Variants in CABIN1 observed in about 807,000 individuals in gnomAD.
The protein encoded by CABIN1 is calcineurin-binding protein cabin-1.
In CABIN1, 133 loss-of-function variants were observed where a neutral mutation model predicts 227.7. That is an observed-to-expected ratio of 0.58 (90% CI 0.51 to 0.67). The LOEUF (loss-of-function observed/expected upper bound fraction) is 0.67. Among genes scored for constraint, CABIN1 ranks in the 30% least tolerant of loss-of-function variants. The pLI is 0.00. For missense variants in CABIN1, 2,408 were observed against 2,852.5 expected, an observed-to-expected ratio of 0.84 and a Z score of 3.55; for synonymous variants, 1,086 against 1,155.1, an observed-to-expected ratio of 0.94 and a Z score of 1.21.
intron 33 of CABIN1, among the ~76,000 whole-genome samples, chr22:24,170,788 C>T (rs1274249514): frequency 7.1e-6 from 1 of 141,816 alleles, no homozygotes; most frequent in African/African-American, 2.7e-5. Context: ...AGGTACCTAC[C>T]TGCAGGCGTG....
At chr22:24,156,096 GGGGGCCGGGACTGGGGCCGGGACT>G (rs771011930) in intron 29 of CABIN1, 384 of 414,460 alleles carry the variant, frequency 9.3e-4, no homozygotes, top group Non-Finnish European at 1.4e-3. Flanking sequence ...TGGCGGGGGC[GGGGGCCGGGACTGGGGCCGGGACT>G]GGGGCCGGGG....
In CABIN1 at chr22:24,049,232, C is replaced by A; in HGVS notation, c.656+12C>A. 1 of 1,612,582 alleles carries A rather than the reference C, an allele frequency of 6.2e-7. No individual in the cohort carries two copies. Among genetic ancestry groups the A allele is most frequent in the South Asian group, 1.1e-5 (1 of 90,922 alleles). On this transcript the variant is annotated intron_variant, in intron 7 of 36. Coordinates refer to ENST00000263119, the MANE Select transcript of CABIN1 (RefSeq NM_012295.4). Reference sequence around the variant, plus strand: ...ATGTTCCTCAAATGGTAAGTCCTGCCTCTTCCCATGCCATGTGTGCACGCT... The same window carrying A: ...ATGTTCCTCAAATGGTAAGTCCTGCATCTTCCCATGCCATGTGTGCACGCT...
At chr22:24,130,847 A>G (rs1443681745) in intron 28 of CABIN1, among the ~76,000 whole-genome samples, 1 of 152,220 alleles carries the variant, frequency 6.6e-6, no homozygotes. Flanking sequence ...ACTCTCCACC[A>G]GTACACAGTA....
chr22:24,174,278 G>A (rs1308627686), intron 34 of CABIN1, among the ~76,000 whole-genome samples: 1 of 151,528 alleles, frequency 6.6e-6, no homozygotes, highest in African/African-American at 2.4e-5. Context: ...ACAAGCATGG[G>A]CCACTACGCC....
intron 8 of CABIN1, among the ~76,000 whole-genome samples, chr22:24,053,005 C>T (rs765116189): frequency 1.3e-5 from 2 of 151,772 alleles, no homozygotes; most frequent in African/African-American, 2.4e-5. Flanking sequence ...GAAATTCCTT[C>T]TAGCCCTGGG....
At chr22:24,153,920 A>T (rs559091801) in intron 29 of CABIN1, among the ~76,000 whole-genome samples, 24 of 152,324 alleles carry the variant, frequency 1.6e-4, no homozygotes, top group African/African-American at 5.5e-4. Flanking sequence ...CAAGCTGCCC[A>T]GCCCATTCTG....
At chr22:24,091,544 C>A (rs1269801472) in intron 23 of CABIN1, 39 bp from the exon 24 acceptor site, 1 of 1,613,760 alleles carries the variant, frequency 6.2e-7, no homozygotes. Flanking sequence ...TGGGCAGGTT[C>A]AGGCGTAAGG....
chr22:24,122,314 G>A (rs1029135032), intron 28 of CABIN1, among the ~76,000 whole-genome samples: 1 of 152,054 alleles, frequency 6.6e-6, no homozygotes, highest in Non-Finnish European at 1.5e-5. Context: ...AAAATGCTTG[G>A]GACCAGAAGA....
At chr22:24,018,468 C>T (rs1289395146) in intron 1 of CABIN1, among the ~76,000 whole-genome samples, 1 of 152,114 alleles carries the variant, frequency 6.6e-6, no homozygotes, top group Non-Finnish European at 1.5e-5. Flanking sequence ...ATTTAGATTT[C>T]TAATTCATTT....
intron 26 of CABIN1, among the ~76,000 whole-genome samples, chr22:24,104,260 C>T (rs1308551312): frequency 6.6e-6 from 1 of 152,202 alleles, no homozygotes; most frequent in Non-Finnish European, 1.5e-5. Flanking sequence ...GCCAGCCTCA[C>T]ACCTTACAGA....
At chr22:24,100,518 G>A (rs1040463344) in intron 26 of CABIN1, among the ~76,000 whole-genome samples, 16 of 152,252 alleles carry the variant, frequency 1.1e-4, no homozygotes, top group African/African-American at 3.9e-4. Flanking sequence ...CCTGGGAGGA[G>A]AACATGTAGT....
chr22:24,013,904 G>T (rs889332305), intron 1 of CABIN1, among the ~76,000 whole-genome samples: 8 of 152,152 alleles, frequency 5.3e-5, no homozygotes, highest in African/African-American at 2.4e-5. Flanking sequence ...ATTATGCATT[G>T]TTGGCCAGAA....
chr22:24,145,913 A>G (rs1269223172), intron 29 of CABIN1, among the ~76,000 whole-genome samples: 2 of 152,192 alleles, frequency 1.3e-5, no homozygotes, highest in African/African-American at 4.8e-5. Flanking sequence ...CCATGATAAC[A>G]AGTCACCAGT....
chr22:24,057,903 T>C (rs184317297), intron 10 of CABIN1, among the ~76,000 whole-genome samples: 5 of 152,366 alleles, frequency 3.3e-5, no homozygotes, highest in Admixed American at 2.6e-4. Context: ...AGTGACCCTA[T>C]ATTCCCCTTA....
intron 1 of CABIN1, among the ~76,000 whole-genome samples, chr22:24,011,944 T>G (rs1216698628): frequency 1.3e-5 from 2 of 152,202 alleles, no homozygotes; most frequent in Non-Finnish European, 2.9e-5. Context: ...GGGAGTCACT[T>G]AACTCTTCAG....
At chr22:24,127,234 A>G (rs909964219) in intron 28 of CABIN1, among the ~76,000 whole-genome samples, 9 of 152,148 alleles carry the variant, frequency 5.9e-5, no homozygotes, top group Non-Finnish European at 1.0e-4. Context: ...GAGAGTAGGA[A>G]TTCACAAGGG....
At position 24,177,609 on chromosome 22, in the gene CABIN1, C is replaced by T. The variant is rs367924794; in HGVS notation, c.6311C>T (p.Pro2104Leu). ...SPPTAASSKA[P>L]SSGSAQPPEG... ...CCAACAGCTGCCAGCTCCAAGGCCC[C>T]CAGCAGTGGGAGTGCCCAGCCACCA... The change falls in exon 36 of 37, where the codon CCC becomes CTC. Residue 2104 changes from proline (P) to leucine (L), a missense_variant. By Grantham distance (98) the Pro-to-Leu change is moderately conservative. Around this residue, in one of 3 missense-constraint regions of CABIN1, gnomAD observed 714 missense variants for 773.8 expected, o/e 0.92. Coordinates refer to ENST00000263119, the MANE Select transcript of CABIN1 (RefSeq NM_012295.4). This position sits in a 1 kb window ranked among gnomAD's most constrained non-coding sequence, Gnocchi z 4.4. 22 of 1,612,698 alleles carry T rather than the reference C, an allele frequency of 1.4e-5. No individual in the cohort carries two copies. In the African/African-American group the frequency reaches 2.4e-4, roughly 18 times the overall value.
intron 28 of CABIN1, among the ~76,000 whole-genome samples, chr22:24,127,385 T>C (rs1317142923): frequency 6.6e-6 from 1 of 152,074 alleles, no homozygotes; most frequent in African/African-American, 2.4e-5. Flanking sequence ...CACCCAGTAG[T>C]CAGAGGCCCA....
At chr22:24,042,762 T>C (rs1388875800) in intron 5 of CABIN1, 142 bp from the exon 6 acceptor site, 3 of 744,136 alleles carry the variant, frequency 4.0e-6, no homozygotes, top group Non-Finnish European at 4.6e-6. Flanking sequence ...TTCAAGTGGC[T>C]GTGCCAGTGC....
Sources: allele counts gnomAD v4.1 joint callset (sites outside exome capture counted in the v4.1 genomes callset), GRCh38; gene constraint gnomAD v4.1.1; regional missense constraint gnomAD v4.1.1; non-coding constraint Gnocchi (gnomAD v3.1); transcripts MANE v1.5; gene names NCBI Gene and HGNC (gene_info 2026-07-23, HGNC 2026-07-21).